Variants in STAT3 observed in about 807,000 individuals in gnomAD.
STAT3 encodes the protein signal transducer and activator of transcription 3, also known as DNA-binding protein APRF.
A neutral mutation model predicts 114.3 loss-of-function variants in STAT3; 7 were observed. That is an observed-to-expected ratio of 0.06 (90% confidence interval 0.03 to 0.11). STAT3 has a LOEUF of 0.11. STAT3 is among the 10% of genes least tolerant of loss of function. STAT3 has a pLI of 1.00. For synonymous variants in STAT3, 331 were observed against 354.5 expected (o/e 0.93, Z 0.74); for missense variants, 364 against 960.9 (o/e 0.38, Z 8.21).
intron 1 of STAT3, 30 bp downstream of exon 1, chr17:42,388,249 C>G: frequency 8.1e-7 from 1 of 1,231,848 alleles, no homozygotes; most frequent in Non-Finnish European, 1.0e-6. Flanking sequence ...CCCAGGCCTC[C>G]CCAACGGCCC....
At chr17:42,318,041 C>T (rs1410999711) in intron 21 of STAT3, among the ~76,000 whole-genome samples, 3 of 152,186 alleles carry the variant, frequency 2.0e-5, no homozygotes, top group African/African-American at 7.2e-5. Flanking sequence ...CAACCTCCTA[C>T]TCCCAGGTCA....
rs7207492 is a variant in STAT3 at position 42,315,710 on chromosome 17, A to C, written c.*35T>G. 1,488 of 1,603,042 alleles carry C rather than the reference A, an allele frequency of 9.3e-4. 16 individuals carry two copies. The African/African-American group carries it at 0.013, about 14-fold the overall frequency. ...GTGGCAGAATGCAGGTAGGCGCCTC[A>C]GTCGTATCTTTCTGCAGCTTCCGTT... On this transcript the variant is annotated 3_prime_UTR_variant, in exon 24 of 24. Coordinates refer to ENST00000264657, the MANE Select transcript of STAT3 (RefSeq NM_139276.3).
chr17:42,382,381 A>G (rs1205527491), intron 1 of STAT3, among the ~76,000 whole-genome samples: 1 of 152,208 alleles, frequency 6.6e-6, no homozygotes, highest in Non-Finnish European at 1.5e-5. Flanking sequence ...ATAAGAAAAT[A>G]GAGGCTCAGA....
At chr17:42,345,367 T>C in intron 4 of STAT3, 192 bp downstream of exon 4, 2 of 578,800 alleles carry the variant, frequency 3.5e-6, no homozygotes, top group Non-Finnish European at 5.9e-6. Flanking sequence ...TTCTTTTTTT[T>C]AGAGTTTTTC....
intron 1 of STAT3, 137 bp downstream of exon 1, chr17:42,388,142 C>T: frequency 9.5e-7 from 1 of 1,052,508 alleles, no homozygotes; most frequent in Non-Finnish European, 1.2e-6. Context: ...TCAGGGCGAC[C>T]CTCCGCGTCT....
chr17:42,379,390 G>A (rs1340485058), intron 1 of STAT3, among the ~76,000 whole-genome samples: 1 of 152,160 alleles, frequency 6.6e-6, no homozygotes, highest in African/African-American at 2.4e-5. Context: ...AGATTAGTTT[G>A]CAAAGGAAAG....
At chr17:42,321,726 T>G (rs993438127) in intron 21 of STAT3, among the ~76,000 whole-genome samples, 1 of 152,264 alleles carries the variant, frequency 6.6e-6, no homozygotes, top group African/African-American at 2.4e-5. Context: ...TAGCATCTAC[T>G]AAGAAGCACT....
At chr17:42,373,296 G>GC (rs1383371098) in intron 1 of STAT3, among the ~76,000 whole-genome samples, 1 of 152,120 alleles carries the variant, frequency 6.6e-6, no homozygotes, top group Non-Finnish European at 1.5e-5. Flanking sequence ...GTTGCAGTGA[G>GC]CCGAGATCAT....
At chr17:42,327,666 C>T (rs1054971326) in intron 14 of STAT3, among the ~76,000 whole-genome samples, 13 of 152,132 alleles carry the variant, frequency 8.5e-5, no homozygotes, top group African/African-American at 3.1e-4. Flanking sequence ...TTTTATACTG[C>T]CAAATTGTTT....
intron 4 of STAT3, among the ~76,000 whole-genome samples, chr17:42,342,529 A>G (rs1055302695): frequency 2.0e-5 from 3 of 152,046 alleles, no homozygotes; most frequent in East Asian, 1.9e-4. Context: ...TTCCTACAGT[A>G]ATGGTGAGGG....
chr17:42,350,651 A>G (rs2082902467), intron 1 of STAT3, among the ~76,000 whole-genome samples: 1 of 152,064 alleles, frequency 6.6e-6, no homozygotes, highest in African/African-American at 2.4e-5. Flanking sequence ...TGGGGGACAG[A>G]CTCAGAATAC....
rs150811645 is a variant in STAT3 at position 42,355,913 on chromosome 17, C to T, written c.-23-7374G>A. The stretch of plus-strand genomic sequence containing the variant: ...GGGTGAGGGAAGGCGGAAAGAGAGA[C>T]GAAAATCAGGCTCATACAATAATCC... On this transcript the variant is annotated intron_variant, in intron 1 of 23. Transcript: ENST00000264657. 1.3e-4 allele frequency among the ~76,000 whole-genome samples: 20 copies of T among 152,244 alleles called. No homozygotes were observed. The East Asian group carries it at 2.3e-3, about 18-fold the overall frequency.
At chr17:42,342,154 C>T (rs1441525853) in intron 4 of STAT3, among the ~76,000 whole-genome samples, 2 of 151,522 alleles carry the variant, frequency 1.3e-5, no homozygotes, top group East Asian at 1.9e-4. Context: ...CCTACCACCT[C>T]GCTCACACCT....
At chr17:42,386,419 TA>T (rs1194322017) in intron 1 of STAT3, among the ~76,000 whole-genome samples, 1 of 152,198 alleles carries the variant, frequency 6.6e-6, no homozygotes, top group Non-Finnish European at 1.5e-5. Context: ...TCTACGATAT[TA>T]GGGTAATTGT....
At chr17:42,330,832 A>AT (rs2081981454) in intron 11 of STAT3, among the ~76,000 whole-genome samples, 1 of 152,206 alleles carries the variant, frequency 6.6e-6, no homozygotes, top group Non-Finnish European at 1.5e-5. Context: ...GTGTGGAACA[A>AT]TTAAAAAAAA....
chr17:42,343,002 C>CAAA (rs757011535), intron 4 of STAT3, among the ~76,000 whole-genome samples: 1 of 115,578 alleles, frequency 8.7e-6, no homozygotes. Context: ...CCATCTCTAC[C>CAAA]AAAAAAAAAA....
In STAT3 at chr17:42,317,243, G is replaced by C. The variant is rs771940178; in HGVS notation, c.2102-19C>G. On this transcript the variant is annotated intron_variant, in intron 21 of 23. Transcript: ENST00000264657. ...GCAGCGCCTGGGAAGAAGAAAACCA[G>C]TTTTCTTACTGACTGTGACTTCGCA... 1.2e-6 allele frequency: 2 copies of C among 1,613,176 alleles called. No individual in the cohort carries two copies. Among genetic ancestry groups the C allele is most frequent in the East Asian group, 2.2e-5 (1 of 44,886 alleles).
intron 1 of STAT3, chr17:42,373,974 G>A (rs1015107673): frequency 6.6e-6 from 1 of 152,056 alleles, no homozygotes; most frequent in African/African-American, 2.4e-5. Flanking sequence ...TAGTCAAGAT[G>A]GAAGATGAGT....
intron 8 of STAT3, among the ~76,000 whole-genome samples, chr17:42,336,845 G>C (rs1354584042): frequency 6.6e-6 from 1 of 151,540 alleles, no homozygotes; most frequent in Non-Finnish European, 1.5e-5. Flanking sequence ...AAAATTAAAA[G>C]GTTTGTCTAT....
Sources: gnomAD v4.1 joint callset for allele counts (sites outside exome capture counted in the v4.1 genomes callset) on GRCh38, gnomAD v4.1.1 for gene constraint, MANE v1.5 for transcripts, NCBI Gene and HGNC (gene_info 2026-07-23, HGNC 2026-07-21) for gene names.